Variants in HELLS observed in about 807,000 individuals in gnomAD.
HELLS encodes the protein helicase, lymphoid specific.
HELLS carries 32 observed loss-of-function variants against 120.0 expected under a neutral mutation model. That is an observed-to-expected ratio of 0.27 (90% CI 0.20 to 0.36). HELLS has a LOEUF of 0.36. Ranked by LOEUF, HELLS falls within the 10% of genes least tolerant of loss-of-function variation. The pLI is 1.00. For missense variants in HELLS, 650 were observed against 993.4 expected (o/e 0.65, Z 4.65); for synonymous variants, 341 against 323.4 (o/e 1.05, Z -0.58).
chr10:94,567,249 CAA>C (rs1197337991), intron 6 of HELLS, among the ~76,000 whole-genome samples: 1 of 152,034 alleles, frequency 6.6e-6, no homozygotes, highest in African/African-American at 2.4e-5. Flanking sequence ...GTCTGCAGAA[CAA>C]AAATTTTTGA....
At chr10:94,589,672 C>A (rs1004960311) in intron 13 of HELLS, among the ~76,000 whole-genome samples, 1 of 147,570 alleles carries the variant, frequency 6.8e-6, no homozygotes, top group Non-Finnish European at 1.5e-5. Context: ...AGACTCTTCT[C>A]CCCCCGACTT....
At chr10:94,583,442 C>T (rs2134084848) in intron 12 of HELLS, among the ~76,000 whole-genome samples, 1 of 152,224 alleles carries the variant, frequency 6.6e-6, no homozygotes, top group Non-Finnish European at 1.5e-5. Flanking sequence ...TCCTACCTAT[C>T]TTTAATTTAG....
At chr10:94,568,812 A>C (rs56017331) in intron 6 of HELLS, among the ~76,000 whole-genome samples, 1,807 of 151,918 alleles carry the variant, frequency 0.012, 52 homozygotes, top group African/African-American at 0.042. Context: ...ACAAATGTTT[A>C]GAGGATAGTA....
At chr10:94,548,209 C>A (rs551974608) in intron 2 of HELLS, among the ~76,000 whole-genome samples, 3 of 151,946 alleles carry the variant, frequency 2.0e-5, no homozygotes, top group Admixed American at 2.0e-4. Context: ...GAATAGCTAA[C>A]GATGATAAAA....
At chr10:94,571,123 G>T (rs1194723480) in intron 6 of HELLS, 1 of 291,204 alleles carries the variant, frequency 3.4e-6, no homozygotes, top group Non-Finnish European at 6.3e-6. Context: ...AATCTACTCA[G>T]ATTAAAAGAA....
intron 13 of HELLS, among the ~76,000 whole-genome samples, chr10:94,589,785 C>G (rs993040146): frequency 6.8e-6 from 1 of 146,590 alleles, no homozygotes; most frequent in African/African-American, 2.6e-5. Flanking sequence ...CTCCCGGGTT[C>G]ATGCCATTCT....
At chr10:94,600,800 T>C (rs1431239370) in intron 21 of HELLS, among the ~76,000 whole-genome samples, 1 of 152,196 alleles carries the variant, frequency 6.6e-6, no homozygotes, top group African/African-American at 2.4e-5. Context: ...TCACAAATTA[T>C]ATGATAGGTT....
chr10:94,566,035 T>G (rs1229621367), intron 6 of HELLS, among the ~76,000 whole-genome samples: 2 of 152,006 alleles, frequency 1.3e-5, no homozygotes, highest in African/African-American at 4.8e-5. Flanking sequence ...AGGGACTACA[T>G]GCCTGTGCCA....
At chr10:94,576,393 C>G (rs1021214089) in intron 9 of HELLS, among the ~76,000 whole-genome samples, 6 of 152,080 alleles carry the variant, frequency 3.9e-5, no homozygotes, top group African/African-American at 2.4e-5. Context: ...CTTTAGAGAT[C>G]GGCTTGCCTT....
intron 6 of HELLS, 110 bp from the exon 7 acceptor site, chr10:94,571,278 A>G (rs1004601853): frequency 1.2e-6 from 1 of 861,236 alleles, no homozygotes; most frequent in East Asian, 3.0e-5. Context: ...TATCTTGAGA[A>G]TCTCATCCTC....
At chr10:94,550,675 G>C (rs182322365) in intron 2 of HELLS, among the ~76,000 whole-genome samples, 2 of 152,098 alleles carry the variant, frequency 1.3e-5, no homozygotes, top group African/African-American at 4.8e-5. Flanking sequence ...CAGATCGCTT[G>C]AGCCCAGGGG....
chr10:94,558,663 G>A (rs1017508484), intron 4 of HELLS, among the ~76,000 whole-genome samples: 10 of 151,792 alleles, frequency 6.6e-5, no homozygotes, highest in African/African-American at 2.4e-4. Flanking sequence ...GTGCAGTGGC[G>A]CAATCTCGGC....
chr10:94,548,211 A>G (rs778642706), intron 2 of HELLS, among the ~76,000 whole-genome samples: 1 of 152,240 alleles, frequency 6.6e-6, no homozygotes, highest in African/African-American at 2.4e-5. Context: ...ATAGCTAACG[A>G]TGATAAAATG....
At chr10:94,598,856 A>G (rs1334280537) in intron 21 of HELLS, among the ~76,000 whole-genome samples, 6 of 152,126 alleles carry the variant, frequency 3.9e-5, no homozygotes, top group Admixed American at 3.3e-4. Flanking sequence ...ATTTAGATCT[A>G]TGATCTATTT....
At chr10:94,579,892 T>C (rs181635677) in intron 10 of HELLS, among the ~76,000 whole-genome samples, 27 of 152,128 alleles carry the variant, frequency 1.8e-4, no homozygotes, top group Non-Finnish European at 3.1e-4. Context: ...AGCTTCCTTG[T>C]CCATTTCCTT....
At chr10:94,551,564 C>T (rs1006747440) in intron 2 of HELLS, among the ~76,000 whole-genome samples, 1 of 151,252 alleles carries the variant, frequency 6.6e-6, no homozygotes, top group Non-Finnish European at 1.5e-5. Context: ...GAGACTCCAT[C>T]TCAAAAAAGA....
intron 3 of HELLS, among the ~76,000 whole-genome samples, chr10:94,557,595 A>G (rs1843332768): frequency 2.0e-5 from 3 of 152,194 alleles, no homozygotes; most frequent in South Asian, 2.1e-4. Flanking sequence ...CCCTTGGAAC[A>G]TGAGAGGTTC....
intron 3 of HELLS, 84 bp downstream of exon 3, chr10:94,554,332 A>G: frequency 1.0e-6 from 1 of 991,172 alleles, no homozygotes; most frequent in East Asian, 3.0e-5. Context: ...ATACAGTAAA[A>G]TGGACAGATT....
chr10:94,561,726 T>A (rs538827978), intron 4 of HELLS, among the ~76,000 whole-genome samples: 1 of 152,058 alleles, frequency 6.6e-6, no homozygotes, highest in East Asian at 2.0e-4. Context: ...CTAGTCCTCC[T>A]AAAGTGCTGG....
Sources: gnomAD v4.1 joint callset for allele counts (sites outside exome capture counted in the v4.1 genomes callset) on GRCh38, gnomAD v4.1.1 for gene constraint, MANE v1.5 for transcripts, NCBI Gene and HGNC (gene_info 2026-07-23, HGNC 2026-07-21) for gene names.